MTMR7: variants seen among roughly 807,000 people sequenced by gnomAD.
MTMR7 encodes phosphatidylinositol-3-phosphate phosphatase MTMR7.
MTMR7 carries 76 observed loss-of-function variants against 81.2 expected under a neutral mutation model. The ratio of observed to expected loss-of-function variants is 0.94; its 90% CI spans 0.78 to 1.13. The LOEUF is 1.13. MTMR7 is among the 50% of genes most tolerant of loss of function. The pLI, the probability that MTMR7 is intolerant of heterozygous loss-of-function variation, is 0.00. For synonymous variants in MTMR7, 372 were observed against 289.8 expected, an observed-to-expected ratio of 1.28 and a Z score of -2.88; for missense variants, 1,044 against 820.0, an observed-to-expected ratio of 1.27 and a Z score of -3.34.
In MTMR7 at chr8:17,299,373, G is replaced by C. The variant is rs541656113; in HGVS notation, c.*489C>G. 1.2e-3 allele frequency: 183 copies of C among 153,770 alleles called. No individual in the cohort carries two copies. Among genetic ancestry groups the C allele is most frequent in the Non-Finnish European group, 1.4e-3 (100 of 69,154 alleles). 9.5% of individuals were successfully genotyped at this position (153,770 alleles called of 1,614,324 possible). Reference sequence around the variant, plus strand: ...TAGGAATGCATCTATTAACTAAAAAGGGTGCATCTCACCAATGTGCCTGTT... The same window carrying C: ...TAGGAATGCATCTATTAACTAAAAACGGTGCATCTCACCAATGTGCCTGTT... On this transcript the variant is annotated 3_prime_UTR_variant, in exon 14 of 14. Coordinates refer to ENST00000180173, the MANE Select transcript of MTMR7 (RefSeq NM_004686.5).
chr8:17,385,102 A>G (rs572941248), intron 1 of MTMR7, among the ~76,000 whole-genome samples: 53 of 152,358 alleles, frequency 3.5e-4, no homozygotes, highest in African/African-American at 1.2e-3. Flanking sequence ...CAAAAACTGC[A>G]TTCTGCTGTG....
rs116837480 is a variant in MTMR7 at position 17,313,537 on chromosome 8, T to G, written c.866-136A>C. On this transcript the variant is annotated intron_variant, in intron 7 of 13. Transcript: ENST00000180173. ...TCTGGAAGCAAGCCTTAAGTCAAAA[T>G]AAATACCCACGTTTACTAAACTTGA... is the stretch of plus-strand genomic sequence containing the variant. The G allele has an allele frequency of 1.8e-3, 1,014 of 562,302 alleles. 10 individuals carry two copies. Among genetic ancestry groups the G allele is most frequent in the African/African-American group, 0.016 (874 of 53,972 alleles). 34.8% of individuals were successfully genotyped at this position (562,302 alleles called of 1,614,324 possible). A position where few individuals can be genotyped will look rare whatever the true frequency, so the allele number is the denominator to read the frequency against.
chr8:17,312,444 G>A (rs1383318802), intron 8 of MTMR7, among the ~76,000 whole-genome samples: 4 of 151,936 alleles, frequency 2.6e-5, no homozygotes, highest in African/African-American at 7.3e-5. Flanking sequence ...GCATAGTGGC[G>A]CGTGCCAGTA....
At chr8:17,394,295 T>C (rs181359148) in intron 1 of MTMR7, among the ~76,000 whole-genome samples, 52 of 152,310 alleles carry the variant, frequency 3.4e-4, no homozygotes, top group Non-Finnish European at 6.2e-4. Context: ...ACAACTCAAA[T>C]ATCCATCAAC....
intron 1 of MTMR7, among the ~76,000 whole-genome samples, chr8:17,393,609 A>G (rs1382073043): frequency 6.6e-6 from 1 of 152,206 alleles, no homozygotes; most frequent in African/African-American, 2.4e-5. Flanking sequence ...CAGAAAACCA[A>G]ACATTGCATG....
rs546799474 is a variant in MTMR7 at position 17,300,919 on chromosome 8, G to C, written c.1621-695C>G. The stretch of plus-strand genomic sequence containing the variant: ...TTCCTTCACTTAGCTTATGTTCTCA[G>C]AATTCATTCATGGTACAGCATGTAT... On this transcript the variant is annotated intron_variant, in intron 13 of 13. Coordinates refer to ENST00000180173, the MANE Select transcript of MTMR7 (RefSeq NM_004686.5). Among the ~76,000 whole-genome samples, 8 of 152,316 alleles carry C rather than the reference G, an allele frequency of 5.3e-5. No individual in the cohort carries two copies. In the South Asian group the frequency reaches 1.5e-3, roughly 28 times the overall value.
rs781066428 is a variant in MTMR7 at position 17,302,272 on chromosome 8, C to T, written c.1502G>A (p.Ser501Asn). 5.0e-6 allele frequency: 8 copies of T among 1,612,850 alleles called. No individual in the cohort carries two copies. Among genetic ancestry groups the T allele is most frequent in the Middle Eastern group, 1.7e-4 (1 of 6,060 alleles). Residue 501 changes from serine (S) to asparagine (N), a missense_variant, in exon 13 of 14, where the codon AGT becomes AAT. Coordinates refer to ENST00000180173, the MANE Select transcript of MTMR7 (RefSeq NM_004686.5). ...TPCNFMYKFWSGMYNRFEKGM... is the reference protein window; with the variant it reads ...TPCNFMYKFWNGMYNRFEKGM... ...CTTTTCAAAGCGGTTATACATTCCA[C>T]TCCAAAACCTGGAAAGGATGGCAAA...
intron 4 of MTMR7, among the ~76,000 whole-genome samples, chr8:17,350,790 G>C (rs755257157): frequency 1.3e-5 from 2 of 152,182 alleles, no homozygotes; most frequent in Non-Finnish European, 2.9e-5. Flanking sequence ...AAACTACATA[G>C]AGCAGGGAAT....
chr8:17,401,376 G>C (rs1004955765), intron 1 of MTMR7, among the ~76,000 whole-genome samples: 1 of 152,076 alleles, frequency 6.6e-6, no homozygotes, highest in African/African-American at 2.4e-5. Context: ...GGTATCCAGG[G>C]AGTAGTGGTC....
At chr8:17,373,002 C>G in intron 2 of MTMR7, 116 bp downstream of exon 2, 5 of 1,272,436 alleles carry the variant, frequency 3.9e-6, no homozygotes, top group South Asian at 2.9e-5. Flanking sequence ...AACAGTTCCC[C>G]AACATCCAGG....
At chr8:17,378,883 T>G (rs1284089931) in intron 1 of MTMR7, among the ~76,000 whole-genome samples, 1 of 152,144 alleles carries the variant, frequency 6.6e-6, no homozygotes, top group Non-Finnish European at 1.5e-5. Flanking sequence ...ATGTGATAAA[T>G]TTAGTCTTTA....
At position 17,299,727 on chromosome 8, in the gene MTMR7, T is replaced by A; in HGVS notation, c.*135A>T. On this transcript the variant is annotated 3_prime_UTR_variant, in exon 14 of 14. Coordinates refer to ENST00000180173, the MANE Select transcript of MTMR7 (RefSeq NM_004686.5). The stretch of plus-strand genomic sequence containing the variant: ...AGAAATCAAGAACTGGGCACTTTTT[T>A]CCCTTTTCATAGCTGCATTAAAGTA... 7.9e-7 allele frequency: 1 copy of A among 1,273,148 alleles called. No homozygotes were observed. The highest frequency in any genetic ancestry group is 1.1e-6 in the Non-Finnish European group (1 of 925,874). 78.9% of individuals were successfully genotyped at this position (1,273,148 alleles called of 1,614,324 possible).
intron 1 of MTMR7, among the ~76,000 whole-genome samples, chr8:17,410,056 G>T (rs1433637320): frequency 6.6e-6 from 1 of 152,078 alleles, no homozygotes; most frequent in African/African-American, 2.4e-5. Context: ...AGCCACCTAG[G>T]AAACTTAGCA....
chr8:17,315,293 A>G (rs151230732), intron 7 of MTMR7, among the ~76,000 whole-genome samples: 4 of 152,164 alleles, frequency 2.6e-5, no homozygotes, highest in Non-Finnish European at 4.4e-5. Context: ...AGAAAAGGCA[A>G]AACTACGGAG....
intron 6 of MTMR7, among the ~76,000 whole-genome samples, chr8:17,332,852 A>C (rs558723797): frequency 6.6e-6 from 1 of 152,324 alleles, no homozygotes; most frequent in South Asian, 2.1e-4. Flanking sequence ...GTGTTTATCA[A>C]GCAGAATAAA....
chr8:17,314,254 G>T (rs1817940577), intron 7 of MTMR7, among the ~76,000 whole-genome samples: 1 of 152,122 alleles, frequency 6.6e-6, no homozygotes. Flanking sequence ...ATCAACCAAT[G>T]AAATTCAATC....
At chr8:17,412,748 C>T (rs1821770256) in intron 1 of MTMR7, among the ~76,000 whole-genome samples, 1 of 152,128 alleles carries the variant, frequency 6.6e-6, no homozygotes, top group African/African-American at 2.4e-5. Flanking sequence ...TGTGTAAGGC[C>T]CCTTGCAGCT....
chr8:17,302,569 T>G (rs1817186368), intron 12 of MTMR7: 1 of 271,012 alleles, frequency 3.7e-6, no homozygotes, highest in South Asian at 1.6e-4. Context: ...CCATTACCTT[T>G]TAAGAAAATG....
intron 3 of MTMR7, among the ~76,000 whole-genome samples, chr8:17,369,641 CTTTTTTTTTTTTT>C (rs71212689): frequency 2.8e-5 from 3 of 106,248 alleles, no homozygotes; most frequent in Admixed American, 1.1e-4. Context: ...TTCTTTTTTT[CTTTTTTTTTTTTT>C]TTTTTTTTTG....
Sources: allele counts gnomAD v4.1 joint callset (sites outside exome capture counted in the v4.1 genomes callset), GRCh38; gene constraint gnomAD v4.1.1; transcripts MANE v1.5; gene names NCBI Gene and HGNC (gene_info 2026-07-23, HGNC 2026-07-21).